Variants in PPME1 observed in about 807,000 individuals in gnomAD.
The protein encoded by PPME1 is testicular secretory protein Li 39.
In PPME1, 17 loss-of-function variants were observed where a neutral mutation model predicts 56.9. The ratio of observed to expected loss-of-function variants is 0.30; its 90% CI spans 0.20 to 0.45. The LOEUF is 0.45. Ranked by LOEUF, PPME1 falls within the 20% of genes least tolerant of loss-of-function variation. PPME1 has a pLI of 1.00. For synonymous variants in PPME1, 122 were observed against 156.2 expected (o/e 0.78, Z 1.63); for missense variants, 357 against 483.2 (o/e 0.74, Z 2.45).
At chr11:74,229,693 A>G (rs1859019542) in intron 5 of PPME1, among the ~76,000 whole-genome samples, 1 of 152,202 alleles carries the variant, frequency 6.6e-6, no homozygotes, top group East Asian at 1.9e-4. Context: ...TTAATCCTCA[A>G]AGCAATCCAG....
In PPME1 at chr11:74,225,429, A is replaced by G. The variant is rs189098292; in HGVS notation, c.398+173A>G. Reference sequence around the variant, plus strand: ...TTTCTCCTTACTATTTAATCTTGAAAGAAACCTGCGTCTTTCTTGGTGTGT... The same window carrying G: ...TTTCTCCTTACTATTTAATCTTGAAGGAAACCTGCGTCTTTCTTGGTGTGT... On this transcript the variant is annotated intron_variant, in intron 5 of 13. Transcript: ENST00000328257. Among the ~76,000 whole-genome samples, 532 of 152,294 alleles carry G rather than the reference A, an allele frequency of 3.5e-3. 2 individuals carry two copies. The highest frequency in any genetic ancestry group is 0.012 in the African/African-American group (511 of 41,562).
At chr11:74,185,495 C>T (rs139746277) in intron 1 of PPME1, among the ~76,000 whole-genome samples, 66 of 152,160 alleles carry the variant, frequency 4.3e-4, no homozygotes, top group African/African-American at 1.4e-3. Flanking sequence ...TGGGTAATGC[C>T]ACACACGTTG....
intron 9 of PPME1, among the ~76,000 whole-genome samples, chr11:74,241,568 C>T (rs779339287): frequency 6.6e-6 from 1 of 152,180 alleles, no homozygotes; most frequent in South Asian, 2.1e-4. Flanking sequence ...ACTGACAGAC[C>T]GTTTTCCAAA....
intron 1 of PPME1, among the ~76,000 whole-genome samples, chr11:74,178,835 T>G (rs1252453373): frequency 6.6e-6 from 1 of 152,240 alleles, no homozygotes; most frequent in African/African-American, 2.4e-5. Context: ...GCCTTCCATG[T>G]TATGCTACTT....
rs749405530 is a variant in PPME1 at position 74,246,072 on chromosome 11, C to A, written c.835-4C>A. On this transcript the variant is annotated splice_polypyrimidine_tract_variant and splice_region_variant and intron_variant, in intron 9 of 13. Transcript: ENST00000328257. ...AGACTCAGAACTTGCTCTTATTCCT[C>A]CAGACCAAGAAAGACCATCCATACA... 26 of 1,579,224 alleles carry A rather than the reference C, an allele frequency of 1.6e-5. No homozygotes were observed. The African/African-American group carries it at 3.2e-4, about 20-fold the overall frequency.
chr11:74,239,313 G>A (rs1388498133), intron 9 of PPME1, 57 bp downstream of exon 9: 4 of 1,581,380 alleles, frequency 2.5e-6, no homozygotes, highest in Admixed American at 1.8e-5. Context: ...CAAACTGTGT[G>A]TGGGTGGGAA....
chr11:74,212,170 G>A (rs186529006), intron 3 of PPME1, among the ~76,000 whole-genome samples: 31 of 152,304 alleles, frequency 2.0e-4, no homozygotes, highest in Admixed American at 1.9e-3. Flanking sequence ...TGCGTGGAAC[G>A]GAGAGAGAAT....
In PPME1 at chr11:74,220,381, A is replaced by G. The variant is rs752778195; in HGVS notation, c.289-1931A>G. ...GCCTTCATTTTGGGTATACATTAGA[A>G]TCACCTGGAGAAGTCGAAAATGTGT... On this transcript the variant is annotated intron_variant, in intron 3 of 13. Coordinates refer to ENST00000328257, the MANE Select transcript of PPME1 (RefSeq NM_016147.3). 1.4e-4 allele frequency among the ~76,000 whole-genome samples: 22 copies of G among 152,304 alleles called. 1 individual carries two copies. The Middle Eastern group carries it at 0.01, about 71-fold the overall frequency.
intron 1 of PPME1, among the ~76,000 whole-genome samples, chr11:74,181,983 C>T (rs1857551888): frequency 6.6e-6 from 1 of 152,214 alleles, no homozygotes; most frequent in African/African-American, 2.4e-5. Flanking sequence ...CCCTGCCCTC[C>T]ACCTTTTAAA....
intron 1 of PPME1, 21 bp from the exon 2 acceptor site, chr11:74,203,707 C>G (rs949324643): frequency 1.3e-6 from 2 of 1,585,898 alleles, no homozygotes; most frequent in Admixed American, 1.7e-5. Context: ...TCTGAAATGT[C>G]TCTCTCTTTT....
chr11:74,176,959 G>C (rs1462910514), intron 1 of PPME1, among the ~76,000 whole-genome samples: 1 of 151,810 alleles, frequency 6.6e-6, no homozygotes, highest in Non-Finnish European at 1.5e-5. Context: ...TTGAACTCCT[G>C]GCCCCAGGTA....
chr11:74,251,149 C>T, intron 12 of PPME1, 131 bp downstream of exon 12: 1 of 1,485,346 alleles, frequency 6.7e-7, no homozygotes, highest in East Asian at 2.5e-5. Flanking sequence ...AGATGCAGTT[C>T]CACCAGCTCT....
chr11:74,244,138 G>C (rs186704866), intron 9 of PPME1, among the ~76,000 whole-genome samples: 86 of 152,252 alleles, frequency 5.6e-4, no homozygotes, highest in Middle Eastern at 3.4e-3. Context: ...AATTATATAT[G>C]TATATACCAC....
At position 74,203,713 on chromosome 11, in the gene PPME1, C is replaced by CTT; in HGVS notation, c.102-8_102-7dup. On this transcript the variant is annotated splice_polypyrimidine_tract_variant and intron_variant, in intron 1 of 13. Transcript: ENST00000328257. ...CATAATTTTTCTGAAATGTCTCTCT[C>CTT]TTTTTTTTCCTCAGCCCTGGAAGAA... is the stretch of plus-strand genomic sequence containing the variant. 1 of 1,591,590 alleles carries CTT rather than the reference C, an allele frequency of 6.3e-7. No homozygotes were observed. Among genetic ancestry groups the CTT allele is most frequent in the Non-Finnish European group, 8.6e-7 (1 of 1,167,006 alleles).
intron 11 of PPME1, chr11:74,248,756 C>T (rs1859574608): frequency 6.6e-6 from 1 of 152,172 alleles, no homozygotes; most frequent in South Asian, 2.1e-4. Context: ...TCCTAGGCAC[C>T]CTTTCTGTGC....
At chr11:74,174,163 C>T (rs188948693) in intron 1 of PPME1, among the ~76,000 whole-genome samples, 14 of 152,206 alleles carry the variant, frequency 9.2e-5, no homozygotes, top group Admixed American at 8.5e-4. Context: ...ACCCAATATT[C>T]AGAGAGTTCT....
intron 13 of PPME1, among the ~76,000 whole-genome samples, chr11:74,252,239 G>GTT (rs974162487): frequency 1.5e-4 from 17 of 112,338 alleles, no homozygotes; most frequent in African/African-American, 4.9e-4. Context: ...GGCTAATTTT[G>GTT]TTTTTTTTTT....
chr11:74,208,295 A>G (rs1565383919), intron 3 of PPME1, among the ~76,000 whole-genome samples: 3 of 148,968 alleles, frequency 2.0e-5, no homozygotes, highest in African/African-American at 7.5e-5. Flanking sequence ...CTGGCGACAG[A>G]GTGAGACTCT....
intron 3 of PPME1, chr11:74,205,472 C>T (rs1202538138): frequency 6.6e-6 from 1 of 152,196 alleles, no homozygotes; most frequent in Non-Finnish European, 1.5e-5. Context: ...ACTAGAGAGC[C>T]TGAAGGACAG....
Sources: allele counts gnomAD v4.1 joint callset (sites outside exome capture counted in the v4.1 genomes callset), GRCh38; gene constraint gnomAD v4.1.1; transcripts MANE v1.5; gene names NCBI Gene and HGNC (gene_info 2026-07-23, HGNC 2026-07-21).